The following RNPC3 variants were observed in gnomAD, a reference collection of about 807,000 sequenced individuals.
The protein encoded by RNPC3 is RNA binding region (RNP1, RRM) containing 3.
RNPC3 carries 48 observed loss-of-function variants against 67.5 expected under a neutral mutation model. The observed-to-expected ratio is 0.71, with a 90% CI of 0.56 to 0.90. The LOEUF is 0.90. Among genes scored for constraint, RNPC3 ranks in the 40% least tolerant of loss-of-function variants. The probability of loss-of-function intolerance (pLI) is 0.00; values close to 1 mark genes in which losing one functional copy is unlikely to be tolerated. For synonymous variants in RNPC3, 239 were observed against 210.3 expected (o/e 1.14, Z -1.18); for missense variants, 637 against 626.1 (o/e 1.02, Z -0.19).
intron 12 of RNPC3, among the ~76,000 whole-genome samples, chr1:103,550,323 T>C (rs1425780073): frequency 6.6e-6 from 1 of 151,614 alleles, no homozygotes; most frequent in Non-Finnish European, 1.5e-5. Flanking sequence ...ACTTAAAAAA[T>C]TGAGATAAAT....
chr1:103,527,583 C>T, intron 1 of RNPC3, 112 bp from the exon 2 acceptor site: 1 of 794,188 alleles, frequency 1.3e-6, no homozygotes, highest in South Asian at 1.6e-5. Context: ...AGTTTTCATC[C>T]TTTCCCGTGA....
At chr1:103,528,359 T>C (rs1471822724) in intron 2 of RNPC3, among the ~76,000 whole-genome samples, 1 of 152,196 alleles carries the variant, frequency 6.6e-6, no homozygotes, top group African/African-American at 2.4e-5. Context: ...GTTCATATCA[T>C]GGATTGGATG....
intron 1 of RNPC3, 130 bp from the exon 2 acceptor site, chr1:103,527,565 T>G: frequency 1.4e-6 from 1 of 711,032 alleles, no homozygotes; most frequent in Middle Eastern, 3.7e-4. Context: ...ATCAGTTAAA[T>G]GGTCTTGAGT....
At position 103,526,239 on chromosome 1, in the gene RNPC3, G is replaced by T; in HGVS notation, c.169G>T (p.Val57Phe). The change falls in exon 1 of 15, where the codon GTC (valine) becomes TTC (phenylalanine). Residue 57 changes from valine to phenylalanine, a missense_variant. Val to Phe is a conservative substitution (Grantham distance 50). Coordinates refer to ENST00000423855, the MANE Select transcript of RNPC3 (RefSeq NM_017619.4). ...GTACTTCGGGGCTCAGTCTGTGCGG[G>T]TCCTGTCAGATAAGGGGCGACTGGT... is the stretch of plus-strand genomic sequence containing the variant. ...LKYFGAQSVR[V>F]LSDKGRLKHT... The T allele has an allele frequency of 6.5e-7, 1 of 1,549,568 alleles. No homozygotes were observed.
Position 103,535,386 on chromosome 1 carries a change from C to T in RNPC3, c.500C>T (p.Thr167Ile), listed in dbSNP as rs754832916. 6.5e-7 allele frequency: 1 copy of T among 1,535,676 alleles called. No homozygotes were observed. Residue 167 changes from threonine (T) to isoleucine (I), a missense_variant, in exon 5 of 15, where the codon ACA becomes ATA. Thr to Ile is a moderately conservative substitution (Grantham distance 89, BLOSUM62 -1). This residue lies in a region of RNPC3 where 536 missense variants were observed against 500.3 expected (regional missense o/e 1.07). Coordinates refer to ENST00000423855, the MANE Select transcript of RNPC3 (RefSeq NM_017619.4). ...LKYMYPPPSS[T>I]ILANIVNALA... is the part of the protein sequence containing the mutation. ...TATATGTACCCACCACCTTCCAGCA[C>T]AATCCTAGCAAACATTGTAAATGCC...
chr1:103,539,600 T>G (rs1404174650), intron 7 of RNPC3, among the ~76,000 whole-genome samples: 1 of 152,206 alleles, frequency 6.6e-6, no homozygotes, highest in Non-Finnish European at 1.5e-5. Context: ...TAGGTTTCCA[T>G]TAAAGGATGT....
At chr1:103,532,497 G>C (rs1251055715) in intron 2 of RNPC3, among the ~76,000 whole-genome samples, 1 of 152,072 alleles carries the variant, frequency 6.6e-6, no homozygotes, top group East Asian at 1.9e-4. Flanking sequence ...ACAGAAGTCT[G>C]TGCTGAAATT....
chr1:103,530,650 G>C (rs1434646743), intron 2 of RNPC3, among the ~76,000 whole-genome samples: 1 of 152,140 alleles, frequency 6.6e-6, no homozygotes. Context: ...TGGAGCAAGG[G>C]GGTGACCTTG....
At chr1:103,551,885 CTTTTTTT>C (rs74262182) in intron 14 of RNPC3, 93 bp downstream of exon 14, 1 of 473,868 alleles carries the variant, frequency 2.1e-6, no homozygotes, top group East Asian at 4.0e-5. Flanking sequence ...TCAGGTATCT[CTTTTTTT>C]TTTTTTTTGA....
intron 2 of RNPC3, among the ~76,000 whole-genome samples, chr1:103,530,292 G>T (rs1199160446): frequency 6.6e-6 from 1 of 152,124 alleles, no homozygotes; most frequent in Non-Finnish European, 1.5e-5. Flanking sequence ...TATGGAAAAA[G>T]GACAAGTAGA....
At chr1:103,544,123 A>AGG (rs1651188432) in intron 9 of RNPC3, among the ~76,000 whole-genome samples, 1 of 151,868 alleles carries the variant, frequency 6.6e-6, no homozygotes, top group Non-Finnish European at 1.5e-5. Context: ...TACTACCTAA[A>AGG]GGCAAATACT....
chr1:103,543,715 TATA>T (rs1651179498), intron 9 of RNPC3, among the ~76,000 whole-genome samples: 1 of 151,748 alleles, frequency 6.6e-6, no homozygotes, highest in African/African-American at 2.4e-5. Context: ...ACACTAAAAA[TATA>T]ATGGAGTTTC....
chr1:103,544,879 G>A (rs1651207139), intron 9 of RNPC3, 62 bp from the exon 10 acceptor site: 2 of 1,049,384 alleles, frequency 1.9e-6, no homozygotes, highest in Non-Finnish European at 2.7e-6. Context: ...AGGAGGTGGG[G>A]ACCCAAAAAC....
chr1:103,530,213 G>C (rs547451688), intron 2 of RNPC3, among the ~76,000 whole-genome samples: 1 of 152,020 alleles, frequency 6.6e-6, no homozygotes, highest in East Asian at 1.9e-4. Flanking sequence ...GATGATTATA[G>C]TTCATATTCT....
intron 2 of RNPC3, 119 bp from the exon 3 acceptor site, chr1:103,533,620 A>G (rs1456517338): frequency 1.6e-6 from 1 of 638,916 alleles, no homozygotes; most frequent in South Asian, 1.7e-5. Flanking sequence ...ATAAATTAGG[A>G]AATAGTCAAG....
At chr1:103,546,428 C>A in intron 11 of RNPC3, 86 bp downstream of exon 11, 2 of 600,164 alleles carry the variant, frequency 3.3e-6, no homozygotes, top group South Asian at 2.6e-5. Context: ...TTGAAACTAC[C>A]TTTAAGAATG....
Position 103,530,562 on chromosome 1 carries a change from G to T in RNPC3, c.240+2820G>T, listed in dbSNP as rs553351759. 5.4e-4 allele frequency among the ~76,000 whole-genome samples: 82 copies of T among 152,262 alleles called. No individual in the cohort carries two copies. The South Asian group carries it at 0.014, about 27-fold the overall frequency. ...AGTGGGAGTGATCATTGGATTTGAA[G>T]TCAGAGAAGTCATAGAATCTATATT... is the stretch of plus-strand genomic sequence containing the variant. On this transcript the variant is annotated intron_variant, in intron 2 of 14. Coordinates refer to ENST00000423855, the MANE Select transcript of RNPC3 (RefSeq NM_017619.4).
chr1:103,551,605 G>A, intron 13 of RNPC3, 116 bp from the exon 14 acceptor site: 1 of 565,854 alleles, frequency 1.8e-6, no homozygotes, highest in Non-Finnish European at 3.2e-6. Context: ...GAGGCAGGAG[G>A]CACTCAAGGT....
At position 103,526,094 on chromosome 1, in the gene RNPC3, T is replaced by C; in HGVS notation, c.24T>C (p.Leu8=). The change falls in exon 1 of 15, where the codon CTT becomes CTC. Residue 8 remains leucine (L), a synonymous_variant. Coordinates refer to ENST00000423855, the MANE Select transcript of RNPC3 (RefSeq NM_017619.4). The part of the protein sequence containing the change: MAAPEQP[L]AISRGCTSSS... ...AAATGGCAGCTCCCGAGCAGCCGCT[T>C]GCGATATCAAGGGGATGCACGAGCT... is the stretch of plus-strand genomic sequence containing the variant. 2.6e-6 allele frequency: 4 copies of C among 1,545,694 alleles called. No homozygotes were observed. Among genetic ancestry groups the C allele is most frequent in the Non-Finnish European group, 3.5e-6 (4 of 1,143,364 alleles).
Sources: allele counts gnomAD v4.1 joint callset (sites outside exome capture counted in the v4.1 genomes callset), GRCh38; gene constraint gnomAD v4.1.1; regional missense constraint gnomAD v4.1.1; transcripts MANE v1.5; gene names NCBI Gene and HGNC (gene_info 2026-07-23, HGNC 2026-07-21).